Variants in GABRA6 observed in about 807,000 individuals in gnomAD.
GABRA6 encodes gamma-aminobutyric acid type A receptor subunit alpha6.
GABRA6 carries 45 observed loss-of-function variants against 47.3 expected under a neutral mutation model. The ratio of observed to expected loss-of-function variants is 0.95; its 90% CI spans 0.75 to 1.22. The LOEUF (loss-of-function observed/expected upper bound fraction) is 1.22. Ranked by LOEUF, GABRA6 falls within the 50% of genes most tolerant of loss-of-function variation. The pLI is 0.00. For missense variants in GABRA6, 583 were observed against 549.3 expected, an observed-to-expected ratio of 1.06 and a Z score of -0.61; for synonymous variants, 219 against 194.7, an observed-to-expected ratio of 1.12 and a Z score of -1.04.
At chr5:161,697,458 TG>T (rs920815531) in intron 8 of GABRA6, among the ~76,000 whole-genome samples, 32 of 152,008 alleles carry the variant, frequency 2.1e-4, no homozygotes, top group Non-Finnish European at 4.4e-4. Flanking sequence ...CCAGGCCTCT[TG>T]CATTTCCTTT....
rs143050453 is a variant in GABRA6, at chr5:161,688,584, C to T, written c.226-365C>T. ...TGCAAAGGGGAATAGTTAGTCTAAC[C>T]GATGGTATAAAGGCCAGCCAGCACA... On this transcript the variant is annotated intron_variant, in intron 3 of 8. Transcript: ENST00000274545. Among the ~76,000 whole-genome samples, 116 of 152,094 alleles carry T rather than the reference C, an allele frequency of 7.6e-4. 1 individual carries two copies. The highest frequency in any genetic ancestry group is 2.7e-3 in the African/African-American group (111 of 41,490).
intron 2 of GABRA6, 77 bp downstream of exon 2, chr5:161,686,425 G>T: frequency 9.9e-6 from 11 of 1,113,864 alleles, no homozygotes; most frequent in African/African-American, 1.5e-5. Context: ...ACCCAGAAGA[G>T]TCAGAAACTA....
At chr5:161,688,484 G>A (rs1406461529) in intron 3 of GABRA6, among the ~76,000 whole-genome samples, 1 of 152,252 alleles carries the variant, frequency 6.6e-6, no homozygotes, top group African/African-American at 2.4e-5. Flanking sequence ...TGTTTATCAA[G>A]TAAGGTTTAT....
chr5:161,687,339 A>G (rs978025390), intron 3 of GABRA6: 1 of 387,370 alleles, frequency 2.6e-6, no homozygotes, highest in East Asian at 6.5e-5. Context: ...AAAAACACAC[A>G]GATCTTATTC....
intron 3 of GABRA6, among the ~76,000 whole-genome samples, chr5:161,688,427 T>C (rs1303891166): frequency 6.6e-6 from 1 of 152,216 alleles, no homozygotes; most frequent in African/African-American, 2.4e-5. Context: ...CTTGTTTATA[T>C]GTTCCCTGAG....
intron 8 of GABRA6, 54 bp downstream of exon 8, chr5:161,692,254 A>G (rs1425740854): frequency 8.1e-6 from 13 of 1,608,986 alleles, no homozygotes; most frequent in Non-Finnish European, 8.5e-7. Context: ...CAGCCTAAAT[A>G]GTGATCAGAA....
In GABRA6 at chr5:161,689,334, G is replaced by C; in HGVS notation, c.527G>C (p.Ser176Thr). 6.2e-7 allele frequency: 1 copy of C among 1,613,546 alleles called. No individual in the cohort carries two copies. The highest frequency in any genetic ancestry group is 1.1e-5 in the South Asian group (1 of 91,062). The change falls in exon 5 of 9, where the codon AGC (serine) becomes ACC (threonine). Residue 176 changes from serine (S) to threonine (T), a missense_variant and splice_region_variant. Physicochemically the swap from Ser to Thr is moderately conservative, Grantham distance 58 (BLOSUM62 1). Coordinates refer to ENST00000274545, the MANE Select transcript of GABRA6 (RefSeq NM_000811.3). ...CATGCTTGTCCACTCAAGTTTGGGAGCTGTAAGTTACAACAGGCTTCTGAG... is the reference window on the plus strand; with the variant it reads ...CATGCTTGTCCACTCAAGTTTGGGACCTGTAAGTTACAACAGGCTTCTGAG... ...DGHACPLKFG[S>T]YAYPKSEIIY...
intron 8 of GABRA6, among the ~76,000 whole-genome samples, chr5:161,696,072 C>A (rs547246044): frequency 6.6e-6 from 1 of 152,216 alleles, no homozygotes; most frequent in African/African-American, 2.4e-5. Flanking sequence ...AAGAGCCATG[C>A]AAAAGTGTCT....
rs1754992289 is a variant in GABRA6 at position 161,702,055 on chromosome 5, C to T, written c.*282C>T. 4.7e-6 allele frequency: 2 copies of T among 426,392 alleles called. No homozygotes were observed. The highest frequency in any genetic ancestry group is 2.0e-5 in the African/African-American group (1 of 50,618). 26.4% of individuals were successfully genotyped at this position (426,392 alleles called of 1,614,324 possible). On this transcript the variant is annotated 3_prime_UTR_variant, in exon 9 of 9. Coordinates refer to ENST00000274545, the MANE Select transcript of GABRA6 (RefSeq NM_000811.3). ...AGATGAATTTGTCAACTTTTGTCTT[C>T]CATTGTTCAGTATTTTTAATTGTCA...
intron 6 of GABRA6, 128 bp downstream of exon 6, chr5:161,689,907 T>C (rs1754763707): frequency 2.1e-6 from 2 of 968,964 alleles, no homozygotes; most frequent in South Asian, 2.9e-5. Flanking sequence ...CAGTGATGAG[T>C]AGCTTTCCTT....
Position 161,702,387 on chromosome 5 carries a change from C to G in GABRA6, c.*614C>G, listed in dbSNP as rs1321361147. On this transcript the variant is annotated 3_prime_UTR_variant, in exon 9 of 9. Coordinates refer to ENST00000274545, the MANE Select transcript of GABRA6 (RefSeq NM_000811.3). ...ATACATAGCTCATAAATTATGTATG[C>G]ATATGTACATAGCTGTAGTTGGACT... The G allele has an allele frequency of 1.3e-5, 2 of 153,966 alleles. No individual in the cohort carries two copies. Among genetic ancestry groups the G allele is most frequent in the Non-Finnish European group, 2.9e-5 (2 of 69,190 alleles). The allele number at this position is 153,966 out of a possible 1,614,324, so 9.5% of individuals were successfully genotyped here.
intron 2 of GABRA6, 56 bp from the exon 3 acceptor site, chr5:161,686,880 T>A: frequency 3.4e-6 from 5 of 1,457,994 alleles, no homozygotes; most frequent in Non-Finnish European, 4.8e-6. Flanking sequence ...AGGGCTGAGA[T>A]CAATCCCCTT....
At chr5:161,687,537 T>C (rs1426059472) in intron 3 of GABRA6, 3 of 456,120 alleles carry the variant, frequency 6.6e-6, no homozygotes, top group Admixed American at 4.7e-5. Flanking sequence ...CAGATGGCTG[T>C]AGCATTCATA....
At chr5:161,696,140 A>G (rs1754881916) in intron 8 of GABRA6, among the ~76,000 whole-genome samples, 1 of 152,178 alleles carries the variant, frequency 6.6e-6, no homozygotes, top group South Asian at 2.1e-4. Context: ...TAAGAACAAA[A>G]AAGAAATTAG....
In GABRA6 at chr5:161,689,678, G is replaced by T. The variant is rs1308625024; in HGVS notation, c.572G>T (p.Gly191Val). Residue 191 changes from glycine to valine, a missense_variant, in exon 6 of 9, where the codon GGA becomes GTA. Transcript: ENST00000274545. ...KSEIIYTWKKGPLYSVEVPEE... is the reference protein window; with the variant it reads ...KSEIIYTWKKVPLYSVEVPEE... ...GAAATCATATATACGTGGAAAAAAG[G>T]ACCACTTTACTCAGTAGAAGTCCCA... is the stretch of plus-strand genomic sequence containing the variant. 2.1e-5 allele frequency: 34 copies of T among 1,610,706 alleles called. No homozygotes were observed. Among genetic ancestry groups the T allele is most frequent in the Non-Finnish European group, 2.9e-5 (34 of 1,177,098 alleles).
At chr5:161,687,790 G>A in intron 3 of GABRA6, 1 of 168,288 alleles carries the variant, frequency 5.9e-6, no homozygotes, top group Non-Finnish European at 1.3e-5. Context: ...AAGTTGGCAA[G>A]AAAAGAAGAT....
chr5:161,689,304 A>C lies in GABRA6; in HGVS notation c.497A>C (p.Asp166Ala). The change falls in exon 5 of 9, where the codon GAT (aspartate) becomes GCT (alanine). Residue 166 changes from aspartate (D) to alanine (A), a missense_variant. Physicochemically the swap from Asp to Ala is moderately radical, Grantham distance 126. Transcript: ENST00000274545. Reference sequence around the variant, plus strand: ...ATGAGGCTGGTTAACTTTCCTATGGATGGGCATGCTTGTCCACTCAAGTTT... The same window carrying C: ...ATGAGGCTGGTTAACTTTCCTATGGCTGGGCATGCTTGTCCACTCAAGTTT... ...CPMRLVNFPM[D>A]GHACPLKFGS... 1 of 1,614,040 alleles carries C rather than the reference A, an allele frequency of 6.2e-7. No homozygotes were observed. Among genetic ancestry groups the C allele is most frequent in the Non-Finnish European group, 8.5e-7 (1 of 1,179,940 alleles).
chr5:161,698,968 G>A (rs945618150), intron 8 of GABRA6, among the ~76,000 whole-genome samples: 4 of 151,814 alleles, frequency 2.6e-5, no homozygotes, highest in African/African-American at 2.4e-5. Flanking sequence ...TCTGACTTCC[G>A]GACCATAATT....
chr5:161,690,962 C>G (rs892949384), intron 7 of GABRA6, among the ~76,000 whole-genome samples: 2 of 151,960 alleles, frequency 1.3e-5, no homozygotes, highest in African/African-American at 4.8e-5. Flanking sequence ...AATCATAAAT[C>G]TTGATTTTTT....
Sources: gnomAD v4.1 joint callset for allele counts (sites outside exome capture counted in the v4.1 genomes callset) on GRCh38, gnomAD v4.1.1 for gene constraint, MANE v1.5 for transcripts, NCBI Gene and HGNC (gene_info 2026-07-23, HGNC 2026-07-21) for gene names.